Variants in GALNT7 observed in about 807,000 individuals in gnomAD.
The protein encoded by GALNT7 is polypeptide N-acetylgalactosaminyltransferase 7.
GALNT7 carries 60 observed loss-of-function variants against 82.1 expected under a neutral mutation model. That is an observed-to-expected ratio of 0.73 (90% confidence interval 0.59 to 0.91). The LOEUF (loss-of-function observed/expected upper bound fraction) is 0.91. Ranked by LOEUF, GALNT7 falls within the 40% of genes least tolerant of loss-of-function variation. GALNT7 has a pLI of 0.00. For synonymous variants in GALNT7, 243 were observed against 275.1 expected (o/e 0.88, Z 1.15); for missense variants, 660 against 804.2 (o/e 0.82, Z 2.17).
At chr4:173,223,276 C>T (rs371461686) in intron 1 of GALNT7, among the ~76,000 whole-genome samples, 1 of 152,154 alleles carries the variant, frequency 6.6e-6, no homozygotes, top group Non-Finnish European at 1.5e-5. Context: ...CCCTTTTTCA[C>T]ACCATATCCT....
chr4:173,250,351 C>G (rs1215207349), intron 2 of GALNT7, among the ~76,000 whole-genome samples: 1 of 152,118 alleles, frequency 6.6e-6, no homozygotes, highest in Non-Finnish European at 1.5e-5. Flanking sequence ...ATAAATATAG[C>G]TAACTTTTCA....
At chr4:173,212,238 T>C (rs1191896986) in intron 1 of GALNT7, among the ~76,000 whole-genome samples, 4 of 152,238 alleles carry the variant, frequency 2.6e-5, no homozygotes, top group Non-Finnish European at 4.4e-5. Context: ...TCTAGTTTTA[T>C]TTCATGCAAG....
rs541375557 is a variant in GALNT7 at position 173,184,627 on chromosome 4, A to C, written c.126+15666A>C. ...CATCAGAGGGAGACCAGGGAGAGGG[A>C]GAGGGAGGGGGAGGGGGAGGGGGAG... is the stretch of plus-strand genomic sequence containing the variant. On this transcript the variant is annotated intron_variant, in intron 1 of 11. Transcript: ENST00000265000. Among the ~76,000 whole-genome samples, 37 of 80,998 alleles carry C rather than the reference A, an allele frequency of 4.6e-4. No homozygotes were observed. In the South Asian group the frequency reaches 0.012, roughly 26 times the overall value. 53.1% of individuals were successfully genotyped at this position (80,998 alleles called of 152,430 possible). A position where few individuals can be genotyped will look rare whatever the true frequency, so the allele number is the denominator to read the frequency against.
At chr4:173,211,339 T>G (rs1733279170) in intron 1 of GALNT7, among the ~76,000 whole-genome samples, 1 of 152,202 alleles carries the variant, frequency 6.6e-6, no homozygotes, top group Non-Finnish European at 1.5e-5. Context: ...TTGAGAAAGG[T>G]ACATAGGTGA....
At chr4:173,220,299 G>A (rs1047650926) in intron 1 of GALNT7, among the ~76,000 whole-genome samples, 2 of 152,104 alleles carry the variant, frequency 1.3e-5, no homozygotes, top group Admixed American at 6.6e-5. Context: ...TCAGTTGACT[G>A]TAAGTATTTG....
chr4:173,313,927 CGAT>C lies in GALNT7; in HGVS notation c.1390-30_1390-28del, dbSNP rs758873535. 2.6e-5 allele frequency: 25 copies of C among 968,760 alleles called. No individual in the cohort carries two copies. The African/African-American group carries it at 4.2e-4, about 16-fold the overall frequency. 60.0% of individuals were successfully genotyped at this position (968,760 alleles called of 1,614,324 possible). ...TGATATGACATTTGTATTTTTATAA[CGAT>C]ATATATATATATATTTTTTTTTTAC... On this transcript the variant is annotated intron_variant, in intron 8 of 11. Coordinates refer to ENST00000265000, the MANE Select transcript of GALNT7 (RefSeq NM_017423.3).
At chr4:173,247,098 C>T (rs1459467212) in intron 1 of GALNT7, among the ~76,000 whole-genome samples, 1 of 151,872 alleles carries the variant, frequency 6.6e-6, no homozygotes, top group Non-Finnish European at 1.5e-5. Context: ...CAGACATTGG[C>T]ATTTTTTAAA....
chr4:173,240,478 C>G lies in GALNT7; in HGVS notation c.127-7502C>G, dbSNP rs531480114. 6.0e-5 allele frequency among the ~76,000 whole-genome samples: 9 copies of G among 150,736 alleles called. No individual in the cohort carries two copies. The East Asian group carries it at 1.6e-3, about 26-fold the overall frequency. ...CTGCCTCCCGAGTTCAAGAGGTTCT[C>G]CTGCCTAGGCCTCCCGAGTAGCTGG... On this transcript the variant is annotated intron_variant, in intron 1 of 11. Coordinates refer to ENST00000265000, the MANE Select transcript of GALNT7 (RefSeq NM_017423.3).
intron 1 of GALNT7, among the ~76,000 whole-genome samples, chr4:173,185,795 A>G (rs371000559): frequency 5.6e-4 from 85 of 152,166 alleles, no homozygotes; most frequent in African/African-American, 2.0e-3. Context: ...GCTAGTCAAG[A>G]AAGAGATAAA....
intron 5 of GALNT7, among the ~76,000 whole-genome samples, chr4:173,297,370 C>G (rs938784118): frequency 6.6e-6 from 1 of 152,060 alleles, no homozygotes; most frequent in African/African-American, 2.4e-5. Context: ...GAGAGAACCG[C>G]TAAGAATGTG....
rs3052274 is a variant in GALNT7 at position 173,241,223 on chromosome 4, A to AAAAAAG, written c.127-6755_127-6754insAAAGAA. 8.2e-5 allele frequency among the ~76,000 whole-genome samples: 12 copies of AAAAAAG among 146,704 alleles called. 1 individual carries two copies. In the South Asian group the frequency reaches 1.9e-3, roughly 24 times the overall value. On this transcript the variant is annotated intron_variant, in intron 1 of 11. Coordinates refer to ENST00000265000, the MANE Select transcript of GALNT7 (RefSeq NM_017423.3). ...CCATCTCTATTTAAAAAAAAAAAAA[A>AAAAAAG]AAGAAAGAAAGAAAAGAAATAGTTG...
At chr4:173,315,351 T>G (rs999813313) in intron 9 of GALNT7, among the ~76,000 whole-genome samples, 5 of 152,158 alleles carry the variant, frequency 3.3e-5, no homozygotes, top group African/African-American at 1.2e-4. Context: ...GTTGGTGTTC[T>G]GGGCATGTGA....
chr4:173,304,244 T>A, intron 8 of GALNT7, 126 bp downstream of exon 8: 1 of 682,090 alleles, frequency 1.5e-6, no homozygotes, highest in Non-Finnish European at 2.4e-6. Context: ...TTCTCACCTT[T>A]AACTTAGCTA....
At chr4:173,213,615 G>T (rs1180175549) in intron 1 of GALNT7, among the ~76,000 whole-genome samples, 1 of 151,750 alleles carries the variant, frequency 6.6e-6, no homozygotes, top group African/African-American at 2.4e-5. Flanking sequence ...AAATAAAGGA[G>T]GCTGTTTGCA....
intron 1 of GALNT7, among the ~76,000 whole-genome samples, chr4:173,190,330 T>A (rs1251585844): frequency 6.6e-6 from 1 of 152,208 alleles, no homozygotes; most frequent in Non-Finnish European, 1.5e-5. Flanking sequence ...TAGGTAGCCA[T>A]GTGCATAGCT....
At chr4:173,230,700 T>G (rs1734001868) in intron 1 of GALNT7, among the ~76,000 whole-genome samples, 1 of 152,180 alleles carries the variant, frequency 6.6e-6, no homozygotes. Context: ...AGACTGTTGG[T>G]TGTATTTCTG....
chr4:173,263,759 T>G (rs1351435074), intron 2 of GALNT7, among the ~76,000 whole-genome samples: 2 of 152,204 alleles, frequency 1.3e-5, no homozygotes, highest in Non-Finnish European at 2.9e-5. Context: ...ATATCAGTAT[T>G]TTGTAATGAT....
intron 1 of GALNT7, among the ~76,000 whole-genome samples, chr4:173,196,553 A>T (rs181237629): frequency 1.3e-5 from 2 of 152,158 alleles, no homozygotes; most frequent in Admixed American, 1.3e-4. Context: ...TTTTTCTTCA[A>T]CTTTTAAGTT....
chr4:173,265,910 G>A (rs1735472154), intron 2 of GALNT7, among the ~76,000 whole-genome samples: 1 of 151,990 alleles, frequency 6.6e-6, no homozygotes, highest in South Asian at 2.1e-4. Context: ...CTTTTAAAGG[G>A]AATGGCTTGG....
Sources: gnomAD v4.1 joint callset for allele counts (sites outside exome capture counted in the v4.1 genomes callset) on GRCh38, gnomAD v4.1.1 for gene constraint, MANE v1.5 for transcripts, NCBI Gene and HGNC (gene_info 2026-07-23, HGNC 2026-07-21) for gene names.